The following CSMD1 variants were observed in gnomAD, a reference collection of about 807,000 sequenced individuals.
The protein encoded by CSMD1 is CUB and sushi domain-containing protein 1.
Under a neutral mutation model 417.5 loss-of-function variants are expected in CSMD1, and 213 were observed. That is an observed-to-expected ratio of 0.51 (90% CI 0.46 to 0.57). The LOEUF is 0.57. Among genes scored for constraint, CSMD1 ranks in the 20% least tolerant of loss-of-function variants. CSMD1 has a pLI of 0.00. For missense variants in CSMD1, 6,923 were observed against 4,529.7 expected, an observed-to-expected ratio of 1.53 and a Z score of -15.17; for synonymous variants, 2,862 against 1,736.8, an observed-to-expected ratio of 1.65 and a Z score of -16.11.
intron 6 of CSMD1, among the ~76,000 whole-genome samples, chr8:3,745,474 C>A (rs1797022993): frequency 6.6e-6 from 1 of 152,346 alleles, no homozygotes; most frequent in Non-Finnish European, 1.5e-5. Flanking sequence ...CTGAGACAGT[C>A]TGAGGAAACC....
chr8:3,399,305 T>C (rs548618569), intron 16 of CSMD1, 86 bp downstream of exon 16: 3 of 1,315,866 alleles, frequency 2.3e-6, no homozygotes, highest in South Asian at 1.6e-5. Flanking sequence ...AAAACTGCCA[T>C]CTTTTTAAAG....
At chr8:3,067,925 T>A (rs1448837840) in intron 49 of CSMD1, among the ~76,000 whole-genome samples, 1 of 152,158 alleles carries the variant, frequency 6.6e-6, no homozygotes, top group African/African-American at 2.4e-5. Flanking sequence ...CCAGAGTTCA[T>A]CTAGTAAGGG....
chr8:4,008,878 G>A (rs1340614753), intron 4 of CSMD1, among the ~76,000 whole-genome samples: 1 of 151,850 alleles, frequency 6.6e-6, no homozygotes, highest in Non-Finnish European at 1.5e-5. Flanking sequence ...CCAAAGTGCT[G>A]GGATTACAGG....
chr8:4,094,665 T>C (rs1800905631), intron 3 of CSMD1, among the ~76,000 whole-genome samples: 1 of 152,088 alleles, frequency 6.6e-6, no homozygotes, highest in Admixed American at 6.5e-5. Context: ...CGACCGCACT[T>C]CAGATGCATT....
At chr8:4,583,259 T>C (rs1157070038) in intron 2 of CSMD1, among the ~76,000 whole-genome samples, 1 of 152,188 alleles carries the variant, frequency 6.6e-6, no homozygotes, top group East Asian at 1.9e-4. Context: ...GCAGCCGTGG[T>C]GCGGGACCCA....
At chr8:3,701,926 T>G (rs1800892660) in intron 7 of CSMD1, among the ~76,000 whole-genome samples, 1 of 152,138 alleles carries the variant, frequency 6.6e-6, no homozygotes, top group South Asian at 2.1e-4. Context: ...TTAACTGAAC[T>G]GTCTCTTTGG....
At chr8:4,919,142 A>G (rs1419602553) in intron 1 of CSMD1, among the ~76,000 whole-genome samples, 1 of 152,246 alleles carries the variant, frequency 6.6e-6, no homozygotes, top group African/African-American at 2.4e-5. Context: ...GAATGGAAAC[A>G]TACTCAGTTA....
intron 4 of CSMD1, among the ~76,000 whole-genome samples, chr8:4,009,002 G>A (rs916718891): frequency 6.6e-6 from 1 of 152,036 alleles, no homozygotes. Flanking sequence ...TAGGTTTTGT[G>A]CCCATACCGA....
intron 3 of CSMD1, among the ~76,000 whole-genome samples, chr8:4,089,588 C>G (rs1055803905): frequency 2.0e-5 from 3 of 152,110 alleles, no homozygotes; most frequent in Admixed American, 1.3e-4. Context: ...TACCTCTTCT[C>G]TCAAAGGTTA....
At chr8:3,997,020 C>T (rs1815271640) in intron 5 of CSMD1, among the ~76,000 whole-genome samples, 1 of 152,208 alleles carries the variant, frequency 6.6e-6, no homozygotes, top group Non-Finnish European at 1.5e-5. Flanking sequence ...TCTTCCTACT[C>T]ATAAATGGCC....
intron 2 of CSMD1, among the ~76,000 whole-genome samples, chr8:4,455,076 T>C (rs1404790864): frequency 1.3e-5 from 2 of 152,276 alleles, no homozygotes; most frequent in Non-Finnish European, 1.5e-5. Context: ...AACTTCGTGC[T>C]ATACAGGAAT....
Position 4,442,571 on chromosome 8 carries a change from T to A in CSMD1, c.303-22506A>T, listed in dbSNP as rs142899611. Among the ~76,000 whole-genome samples, 464 of 152,316 alleles carry A rather than the reference T, an allele frequency of 3.0e-3. 2 individuals carry two copies. The highest frequency in any genetic ancestry group is 0.01 in the African/African-American group (432 of 41,560). The stretch of plus-strand genomic sequence containing the variant: ...ATATGCAACTAAAGAGATTTTATCT[T>A]GTTTCACTTATAGCTCTTCCCCAAA... On this transcript the variant is annotated intron_variant, in intron 2 of 69. Transcript: ENST00000635120.
intron 4 of CSMD1, 24 bp from the exon 5 acceptor site, chr8:3,998,134 A>C: frequency 6.5e-7 from 1 of 1,541,596 alleles, no homozygotes; most frequent in South Asian, 1.2e-5. Context: ...AGCAGAAAGA[A>C]AGCATCACAT....
At chr8:4,021,920 C>G (rs1322954104) in intron 4 of CSMD1, among the ~76,000 whole-genome samples, 1 of 152,000 alleles carries the variant, frequency 6.6e-6, no homozygotes. Context: ...ATCAACAAAG[C>G]TGACTAGCTC....
At chr8:4,051,979 G>A (rs373388727) in intron 3 of CSMD1, among the ~76,000 whole-genome samples, 2 of 151,390 alleles carry the variant, frequency 1.3e-5, no homozygotes, top group Non-Finnish European at 2.9e-5. Context: ...AGGCTGGAGT[G>A]CAACAGTGTT....
intron 7 of CSMD1, among the ~76,000 whole-genome samples, chr8:3,645,532 G>T (rs1404970981): frequency 2.6e-5 from 4 of 152,288 alleles, no homozygotes; most frequent in Admixed American, 1.3e-4. Context: ...TGTGGTCAGA[G>T]GTGAAGCTGC....
intron 12 of CSMD1, among the ~76,000 whole-genome samples, chr8:3,431,241 C>A (rs1814200345): frequency 6.6e-6 from 1 of 152,130 alleles, no homozygotes; most frequent in Admixed American, 6.5e-5. Flanking sequence ...CTGAAACTCC[C>A]CATCCCTCAC....
chr8:4,826,123 G>A (rs555411291), intron 1 of CSMD1, among the ~76,000 whole-genome samples: 1 of 152,036 alleles, frequency 6.6e-6, no homozygotes, highest in Non-Finnish European at 1.5e-5. Flanking sequence ...ATTCAGAAAT[G>A]TCAGTTCTCG....
At chr8:4,531,944 C>T (rs946349391) in intron 2 of CSMD1, among the ~76,000 whole-genome samples, 1 of 148,592 alleles carries the variant, frequency 6.7e-6, no homozygotes, top group Admixed American at 6.7e-5. Flanking sequence ...CACACTCACT[C>T]CAGAAAAGAA....
Sources: allele counts gnomAD v4.1 joint callset (sites outside exome capture counted in the v4.1 genomes callset), GRCh38; gene constraint gnomAD v4.1.1; transcripts MANE v1.5; gene names NCBI Gene and HGNC (gene_info 2026-07-23, HGNC 2026-07-21).